TAF4B: variants seen among roughly 807,000 people sequenced by gnomAD.
TAF4B encodes transcription initiation factor TFIID subunit 4B.
A neutral mutation model predicts 86.4 loss-of-function variants in TAF4B; 38 were observed. The ratio of observed to expected loss-of-function variants is 0.44; its 90% CI spans 0.34 to 0.58. TAF4B has a LOEUF of 0.58. Among genes scored for constraint, TAF4B ranks in the 20% least tolerant of loss-of-function variants. TAF4B has a pLI of 0.02. For synonymous variants in TAF4B, 388 were observed against 391.2 expected (o/e 0.99, Z 0.10); for missense variants, 988 against 1,027.6 (o/e 0.96, Z 0.53).
chr18:26,342,310 T>C (rs1472514959), intron 13 of TAF4B, among the ~76,000 whole-genome samples: 2 of 152,192 alleles, frequency 1.3e-5, no homozygotes, highest in African/African-American at 4.8e-5. Context: ...AAAACATTTT[T>C]TGATTTCCCA....
At chr18:26,334,278 C>G (rs1478042357) in intron 12 of TAF4B, among the ~76,000 whole-genome samples, 1 of 152,016 alleles carries the variant, frequency 6.6e-6, no homozygotes, top group Non-Finnish European at 1.5e-5. Context: ...TCTGGTAAAT[C>G]AATAAATGTA....
At chr18:26,349,649 A>G (rs538788982) in intron 13 of TAF4B, among the ~76,000 whole-genome samples, 13 of 152,364 alleles carry the variant, frequency 8.5e-5, no homozygotes, top group South Asian at 2.1e-4. Flanking sequence ...AACAGAGTCA[A>G]TGCAATCTCT....
At chr18:26,334,967 C>T (rs541146484) in intron 12 of TAF4B, among the ~76,000 whole-genome samples, 13 of 152,230 alleles carry the variant, frequency 8.5e-5, no homozygotes, top group African/African-American at 3.1e-4. Flanking sequence ...TATAAGCTTC[C>T]TCCAGGCTAG....
Position 26,315,144 on chromosome 18 carries a change from CTGT to C in TAF4B, c.1833-84_1833-82del, listed in dbSNP as rs1568147984. 1.5e-4 allele frequency: 38 copies of C among 247,752 alleles called. 1 individual carries two copies. The African/African-American group carries it at 1.6e-3, about 10-fold the overall frequency. The allele number at this position is 247,752 out of a possible 1,614,324, so 15.3% of individuals were successfully genotyped here. On this transcript the variant is annotated intron_variant, in intron 9 of 14. Coordinates refer to ENST00000269142, the MANE Select transcript of TAF4B (RefSeq NM_005640.3). ...TCTCTCTCTCTCTCTCTCTCTCTCT[CTGT>C]CTCTCTCTCTCTCTCACACACACAC...
At chr18:26,310,476 A>G (rs953448124) in intron 9 of TAF4B, among the ~76,000 whole-genome samples, 2 of 152,224 alleles carry the variant, frequency 1.3e-5, no homozygotes, top group East Asian at 3.8e-4. Flanking sequence ...ACTTTAAAGC[A>G]TAGAAGAAGG....
chr18:26,344,645 G>A (rs1456315809), intron 13 of TAF4B, among the ~76,000 whole-genome samples: 2 of 152,180 alleles, frequency 1.3e-5, no homozygotes, highest in Non-Finnish European at 2.9e-5. Flanking sequence ...AAACATAATA[G>A]GCTATTCTGC....
At chr18:26,379,684 T>G (rs1464514076) in intron 14 of TAF4B, among the ~76,000 whole-genome samples, 7 of 152,112 alleles carry the variant, frequency 4.6e-5, no homozygotes, top group Non-Finnish European at 8.8e-5. Flanking sequence ...CCTTTGTATC[T>G]TCATATGAAT....
chr18:26,366,779 G>A (rs976479995), intron 14 of TAF4B, among the ~76,000 whole-genome samples: 2 of 152,304 alleles, frequency 1.3e-5, no homozygotes, highest in East Asian at 1.9e-4. Flanking sequence ...GTGAACAGTT[G>A]TTAATTAAGT....
intron 10 of TAF4B, 49 bp downstream of exon 10, chr18:26,315,447 G>A (rs2056902334): frequency 1.4e-6 from 2 of 1,421,082 alleles, no homozygotes; most frequent in East Asian, 2.4e-5. Context: ...TCTGTTTGAG[G>A]GAAAATATTA....
At chr18:26,254,028 C>T (rs1040761849) in intron 1 of TAF4B, among the ~76,000 whole-genome samples, 4 of 151,636 alleles carry the variant, frequency 2.6e-5, no homozygotes, top group South Asian at 2.1e-4. Context: ...CGGGTTCAAG[C>T]GATTCTTCTG....
rs115965696 is a variant in TAF4B, at chr18:26,380,141, A to C, written c.2422-9704A>C. Among the ~76,000 whole-genome samples the C allele has an allele frequency of 2.7e-3, 417 of 152,016 alleles. 1 individual carries two copies. Among genetic ancestry groups the C allele is most frequent in the African/African-American group, 9.0e-3 (373 of 41,494 alleles). ...TTCCTTTCCAATCTTTATGCTTTTT[A>C]TTTTCTTTTCTTGCCTTAGAGCACT... On this transcript the variant is annotated intron_variant, in intron 14 of 14. Coordinates refer to ENST00000269142, the MANE Select transcript of TAF4B (RefSeq NM_005640.3).
intron 14 of TAF4B, among the ~76,000 whole-genome samples, chr18:26,371,005 T>C (rs2057402620): frequency 1.3e-5 from 2 of 152,136 alleles, no homozygotes; most frequent in African/African-American, 4.8e-5. Flanking sequence ...CCAGAGGATA[T>C]TCATTTTATC....
intron 13 of TAF4B, among the ~76,000 whole-genome samples, chr18:26,338,655 T>C (rs2057112708): frequency 6.6e-6 from 1 of 151,736 alleles, no homozygotes; most frequent in South Asian, 2.1e-4. Flanking sequence ...ATTTTGTATT[T>C]TTAGTGGAGA....
At chr18:26,312,522 C>T (rs1399436409) in intron 9 of TAF4B, among the ~76,000 whole-genome samples, 1 of 152,118 alleles carries the variant, frequency 6.6e-6, no homozygotes, top group African/African-American at 2.4e-5. Flanking sequence ...TGCTCATTTG[C>T]AGGGAAAGGC....
intron 13 of TAF4B, among the ~76,000 whole-genome samples, chr18:26,340,193 A>G (rs1448440755): frequency 2.6e-5 from 4 of 152,246 alleles, no homozygotes; most frequent in Admixed American, 1.3e-4. Context: ...AAAACATTGT[A>G]CAAGAAATAA....
At chr18:26,234,012 T>C (rs1008167688) in intron 1 of TAF4B, among the ~76,000 whole-genome samples, 26 of 152,136 alleles carry the variant, frequency 1.7e-4, no homozygotes, top group African/African-American at 6.3e-4. Context: ...ATATGAAAAG[T>C]TTGGTGGAGG....
In TAF4B at chr18:26,286,516, T is replaced by G; in HGVS notation, c.1590+17T>G. 1 of 1,571,408 alleles carries G rather than the reference T, an allele frequency of 6.4e-7. No individual in the cohort carries two copies. The highest frequency in any genetic ancestry group is 8.6e-7 in the Non-Finnish European group (1 of 1,165,630). Reference sequence around the variant, plus strand: ...AAGCAACTAGTGAGTAACATTTTGTTTCTTCCCCAGTTACTTATTTTGAAA... The same window carrying G: ...AAGCAACTAGTGAGTAACATTTTGTGTCTTCCCCAGTTACTTATTTTGAAA... On this transcript the variant is annotated intron_variant, in intron 7 of 14. Transcript: ENST00000269142.
At chr18:26,278,345 C>A (rs995648181) in intron 5 of TAF4B, among the ~76,000 whole-genome samples, 1 of 152,160 alleles carries the variant, frequency 6.6e-6, no homozygotes, top group East Asian at 1.9e-4. Context: ...TGCTCTCTTG[C>A]TCAGGCTGGA....
intron 6 of TAF4B, among the ~76,000 whole-genome samples, chr18:26,283,122 G>T (rs2056470127): frequency 1.3e-5 from 2 of 152,072 alleles, no homozygotes. Context: ...TTGATATTTT[G>T]ATCTCCTGCC....
Sources: gnomAD v4.1 joint callset for allele counts (sites outside exome capture counted in the v4.1 genomes callset) on GRCh38, gnomAD v4.1.1 for gene constraint, MANE v1.5 for transcripts, NCBI Gene and HGNC (gene_info 2026-07-23, HGNC 2026-07-21) for gene names.